The following RASGEF1C variants were observed in gnomAD, a reference collection of about 807,000 sequenced individuals.
The protein encoded by RASGEF1C is RasGEF domain family member 1C, also known as ras-GEF domain-containing family member 1C.
A neutral mutation model predicts 58.1 loss-of-function variants in RASGEF1C; 27 were observed. The ratio of observed to expected loss-of-function variants is 0.46; its 90% CI spans 0.34 to 0.64. The LOEUF (loss-of-function observed/expected upper bound fraction) is 0.64, where lower values mean the gene tolerates loss of function less well. RASGEF1C is among the 30% of genes least tolerant of loss of function. The pLI is 0.01. For missense variants in RASGEF1C, 502 were observed against 605.1 expected (o/e 0.83, Z 1.79); for synonymous variants, 243 against 246.3 (o/e 0.99, Z 0.13).
intron 1 of RASGEF1C, among the ~76,000 whole-genome samples, chr5:180,183,332 A>G (rs956659515): frequency 2.0e-5 from 3 of 152,206 alleles, no homozygotes; most frequent in African/African-American, 4.8e-5. Context: ...TTACATTACC[A>G]AGATCGGTTT....
intron 1 of RASGEF1C, among the ~76,000 whole-genome samples, chr5:180,192,750 GTTT>G (rs59956150): frequency 2.0e-5 from 3 of 147,250 alleles, no homozygotes; most frequent in South Asian, 2.2e-4. Context: ...TTTGTTTTTT[GTTT>G]TTTTTTTTTG....
intron 1 of RASGEF1C, among the ~76,000 whole-genome samples, chr5:180,208,712 G>T (rs535917037): frequency 7.9e-5 from 12 of 152,040 alleles, no homozygotes; most frequent in African/African-American, 2.6e-4. Flanking sequence ...GTCTAGGCTG[G>T]CTCTTCCTGC....
Position 180,155,559 on chromosome 5 carries a change from C to G in RASGEF1C, c.-6-17501G>C, listed in dbSNP as rs1766835525. Among the ~76,000 whole-genome samples the G allele has an allele frequency of 6.6e-6, 1 of 152,104 alleles. No individual in the cohort carries two copies. Among genetic ancestry groups the G allele is most frequent in the African/African-American group, 2.4e-5 (1 of 41,404 alleles). On this transcript the variant is annotated intron_variant, in intron 1 of 13. Transcript: ENST00000361132. The surrounding 1 kb of genome is among the most constrained non-coding windows in gnomAD (Gnocchi z 5.2). ...ATCCCGCTGTCTCCCTCAGGAAGCT[C>G]TTGTTTCTGATTGCTCAGGGCCCGG...
intron 1 of RASGEF1C, 93 bp downstream of exon 1, chr5:180,208,935 G>A (rs1756545148): frequency 1.4e-5 from 2 of 146,206 alleles, no homozygotes; most frequent in Non-Finnish European, 3.0e-5. Flanking sequence ...GCCTCCCGCC[G>A]ACCCCGCCGC....
intron 6 of RASGEF1C, 81 bp downstream of exon 6, chr5:180,127,528 G>A (rs1176260588): frequency 7.1e-7 from 1 of 1,405,800 alleles, no homozygotes; most frequent in South Asian, 1.4e-5. Flanking sequence ...CGCTCGCCCA[G>A]AGAAGGCTCG....
chr5:180,176,851 T>A (rs1238419409), intron 1 of RASGEF1C, among the ~76,000 whole-genome samples: 1 of 152,178 alleles, frequency 6.6e-6, no homozygotes, highest in Non-Finnish European at 1.5e-5. Context: ...CCACCGCGCC[T>A]GGTCCCGGGG....
intron 1 of RASGEF1C, among the ~76,000 whole-genome samples, chr5:180,141,159 A>G (rs533354118): frequency 2.0e-5 from 3 of 152,058 alleles, no homozygotes; most frequent in South Asian, 2.1e-4. Flanking sequence ...TACTGTCCAC[A>G]CTCCCCCGCA....
rs1561743907 is a variant in RASGEF1C at position 180,150,559 on chromosome 5, G to A, written c.-6-12501C>T. ...AAAAAAAAAATGTTGGCTGGGTGCT[G>A]TGGCTCACACCTGTAATCCTAGCAC... On this transcript the variant is annotated intron_variant, in intron 1 of 13. Coordinates refer to ENST00000361132, the MANE Select transcript of RASGEF1C (RefSeq NM_175062.4). Among the ~76,000 whole-genome samples the A allele has an allele frequency of 3.3e-5, 5 of 152,022 alleles. No homozygotes were observed. In the South Asian group the frequency reaches 1.0e-3, roughly 32 times the overall value.
chr5:180,110,815 AT>A (rs34922364), intron 12 of RASGEF1C, among the ~76,000 whole-genome samples: 4 of 149,982 alleles, frequency 2.7e-5, no homozygotes, highest in South Asian at 2.1e-4. Flanking sequence ...TGGGAAGGTG[AT>A]TTTTTTTTTC....
chr5:180,200,301 T>G (rs1468215791), intron 1 of RASGEF1C, among the ~76,000 whole-genome samples: 1 of 115,382 alleles, frequency 8.7e-6, no homozygotes, highest in Non-Finnish European at 1.7e-5. Context: ...AGATGAAGAG[T>G]ACATCATTCT....
chr5:180,208,148 C>G (rs1311831717), intron 1 of RASGEF1C, among the ~76,000 whole-genome samples: 1 of 152,048 alleles, frequency 6.6e-6, no homozygotes, highest in Non-Finnish European at 1.5e-5. Context: ...AGGTGGGACC[C>G]CAGCGTTGCC....
intron 6 of RASGEF1C, 83 bp downstream of exon 6, chr5:180,127,526 C>A (rs1460040897): frequency 7.2e-7 from 1 of 1,395,748 alleles, no homozygotes; most frequent in Non-Finnish European, 9.6e-7. Flanking sequence ...AGCGCTCGCC[C>A]AGAGAAGGCT....
chr5:180,208,295 C>A (rs1223375129), intron 1 of RASGEF1C, among the ~76,000 whole-genome samples: 1 of 152,140 alleles, frequency 6.6e-6, no homozygotes, highest in Non-Finnish European at 1.5e-5. Flanking sequence ...GAGATACGGG[C>A]CCGGAAGAGC....
intron 1 of RASGEF1C, among the ~76,000 whole-genome samples, chr5:180,190,506 A>AT (rs1407441848): frequency 1.0e-5 from 1 of 97,570 alleles, no homozygotes; most frequent in African/African-American, 3.7e-5. Flanking sequence ...AAAAAAAAAA[A>AT]AATAATAATA....
chr5:180,106,202 G>A (rs891894847), intron 12 of RASGEF1C, among the ~76,000 whole-genome samples: 1 of 152,196 alleles, frequency 6.6e-6, no homozygotes, highest in Non-Finnish European at 1.5e-5. Context: ...TTTGTCAAGA[G>A]GTTCTTTGCT....
Position 180,143,763 on chromosome 5 carries a change from A to G in RASGEF1C, c.-6-5705T>C, listed in dbSNP as rs539364743. Reference sequence around the variant, plus strand: ...TGACATCTGTAGTGCCAAGGTGGTCAGTTTACAGACCCTGTTCCTGCTGGG... The same window carrying G: ...TGACATCTGTAGTGCCAAGGTGGTCGGTTTACAGACCCTGTTCCTGCTGGG... On this transcript the variant is annotated intron_variant, in intron 1 of 13. Transcript: ENST00000361132. The surrounding 1 kb of genome is among the most constrained non-coding windows in gnomAD (Gnocchi z 4.3). Among the ~76,000 whole-genome samples, 158 of 152,348 alleles carry G rather than the reference A, an allele frequency of 1.0e-3. 1 individual carries two copies. Among genetic ancestry groups the G allele is most frequent in the African/African-American group, 3.6e-3 (148 of 41,590 alleles).
chr5:180,105,657 C>T (rs1765864189), intron 12 of RASGEF1C, among the ~76,000 whole-genome samples: 9 of 151,442 alleles, frequency 5.9e-5, no homozygotes, highest in Admixed American at 5.3e-4. Context: ...CACTTGAGGT[C>T]AGGAGTTCGA....
intron 10 of RASGEF1C, among the ~76,000 whole-genome samples, chr5:180,117,989 A>AAG (rs1766097455): frequency 1.2e-5 from 1 of 82,750 alleles, no homozygotes; most frequent in Non-Finnish European, 2.4e-5. Context: ...GAGAGACTCC[A>AAG]TCTCCAAAAA....
At chr5:180,173,606 G>A (rs765432597) in intron 1 of RASGEF1C, among the ~76,000 whole-genome samples, 1 of 152,190 alleles carries the variant, frequency 6.6e-6, no homozygotes, top group Non-Finnish European at 1.5e-5. Context: ...TTCAAATTTG[G>A]GGGAATGAGT....
Sources: allele counts gnomAD v4.1 joint callset (sites outside exome capture counted in the v4.1 genomes callset), GRCh38; gene constraint gnomAD v4.1.1; non-coding constraint Gnocchi (gnomAD v3.1); transcripts MANE v1.5; gene names NCBI Gene and HGNC (gene_info 2026-07-23, HGNC 2026-07-21).